CSMD1: variants seen among roughly 807,000 people sequenced by gnomAD.
The protein encoded by CSMD1 is CUB and Sushi multiple domains 1, also known as CUB and sushi domain-containing protein 1.
In CSMD1, 213 loss-of-function variants were observed where a neutral mutation model predicts 417.5. That is an observed-to-expected ratio of 0.51 (90% CI 0.46 to 0.57). The LOEUF is 0.57. CSMD1 is among the 20% of genes least tolerant of loss of function. The pLI is 0.00. For missense variants in CSMD1, 6,923 were observed against 4,529.7 expected (o/e 1.53, Z -15.17); for synonymous variants, 2,862 against 1,736.8 (o/e 1.65, Z -16.11).
At chr8:4,080,910 G>C (rs776674259) in intron 3 of CSMD1, among the ~76,000 whole-genome samples, 8 of 152,116 alleles carry the variant, frequency 5.3e-5, no homozygotes, top group Non-Finnish European at 1.0e-4. Context: ...GTATTAAGAG[G>C]CAGGGCCTTT....
chr8:3,886,951 G>T (rs995408564), intron 5 of CSMD1, among the ~76,000 whole-genome samples: 1 of 152,162 alleles, frequency 6.6e-6, no homozygotes, highest in Non-Finnish European at 1.5e-5. Context: ...TCAGTGAAAT[G>T]CATGTCTTCA....
chr8:3,174,510 C>T (rs945657720), intron 37 of CSMD1, among the ~76,000 whole-genome samples: 1 of 152,060 alleles, frequency 6.6e-6, no homozygotes, highest in Admixed American at 6.5e-5. Context: ...AAACAATAAA[C>T]AAACTATAAA....
chr8:3,032,243 A>C (rs1810389134), intron 50 of CSMD1, among the ~76,000 whole-genome samples: 2 of 151,992 alleles, frequency 1.3e-5, no homozygotes, highest in African/African-American at 2.4e-5. Flanking sequence ...TTTAAGAATG[A>C]TAGGTAGAGA....
At chr8:4,232,822 C>T (rs1801823544) in intron 3 of CSMD1, among the ~76,000 whole-genome samples, 1 of 152,084 alleles carries the variant, frequency 6.6e-6, no homozygotes, top group Admixed American at 6.5e-5. Context: ...ATCTAAAAGA[C>T]AAACATTACT....
chr8:3,112,529 C>A (rs1024365277), intron 42 of CSMD1, among the ~76,000 whole-genome samples: 3 of 152,160 alleles, frequency 2.0e-5, no homozygotes, highest in Non-Finnish European at 4.4e-5. Flanking sequence ...TAACATTGAG[C>A]AAGTCAGTGA....
At chr8:3,423,982 A>T (rs1813662000) in intron 12 of CSMD1, among the ~76,000 whole-genome samples, 1 of 152,180 alleles carries the variant, frequency 6.6e-6, no homozygotes, top group South Asian at 2.1e-4. Context: ...TCACAGTACC[A>T]GTTTTCTTTG....
chr8:3,764,930 G>A (rs1255368347), intron 5 of CSMD1, among the ~76,000 whole-genome samples: 1 of 151,768 alleles, frequency 6.6e-6, no homozygotes, highest in African/African-American at 2.4e-5. Context: ...ATTTTTAGTA[G>A]AGACAGGGTT....
At chr8:3,146,906 C>A (rs1022301236) in intron 40 of CSMD1, among the ~76,000 whole-genome samples, 37 of 152,186 alleles carry the variant, frequency 2.4e-4, no homozygotes, top group Non-Finnish European at 1.0e-4. Flanking sequence ...CTGGATTAGA[C>A]AATCGATCAG....
chr8:4,805,196 T>C (rs1798519479), intron 1 of CSMD1, among the ~76,000 whole-genome samples: 1 of 152,236 alleles, frequency 6.6e-6, no homozygotes, highest in South Asian at 2.1e-4. Context: ...AGAGATAATA[T>C]CTGCGATAAT....
chr8:3,025,071 T>C (rs1398466575), intron 51 of CSMD1, among the ~76,000 whole-genome samples: 18 of 150,814 alleles, frequency 1.2e-4, no homozygotes, highest in African/African-American at 3.0e-4. Flanking sequence ...ATTCTAAAAC[T>C]GTGTATTGTG....
intron 2 of CSMD1, among the ~76,000 whole-genome samples, chr8:4,464,053 G>C (rs1302125005): frequency 6.6e-6 from 1 of 151,944 alleles, no homozygotes; most frequent in African/African-American, 2.4e-5. Context: ...AAAAAAAAAG[G>C]AATATGGTAA....
At chr8:4,922,473 C>G (rs1024768414) in intron 1 of CSMD1, among the ~76,000 whole-genome samples, 5 of 152,192 alleles carry the variant, frequency 3.3e-5, no homozygotes, top group Admixed American at 6.5e-5. Flanking sequence ...GATATTATCA[C>G]TTTTATGTAT....
intron 30 of CSMD1, among the ~76,000 whole-genome samples, chr8:3,213,893 T>C (rs1025420602): frequency 2.6e-5 from 4 of 151,776 alleles, no homozygotes; most frequent in African/African-American, 9.7e-5. Context: ...AGTCTTGCTC[T>C]GTCACCCAGG....
intron 3 of CSMD1, among the ~76,000 whole-genome samples, chr8:4,221,877 C>G (rs367742235): frequency 2.8e-4 from 42 of 152,236 alleles, no homozygotes; most frequent in African/African-American, 9.6e-4. Flanking sequence ...TTAGAGAATT[C>G]TTAGCAGAGG....
intron 26 of CSMD1, among the ~76,000 whole-genome samples, chr8:3,271,632 G>A (rs1415379362): frequency 6.6e-6 from 1 of 152,198 alleles, no homozygotes; most frequent in Non-Finnish European, 1.5e-5. Flanking sequence ...CAACTGGTGT[G>A]AGATGGTATC....
chr8:3,021,782 C>T (rs1486333300), intron 51 of CSMD1, among the ~76,000 whole-genome samples: 1 of 147,764 alleles, frequency 6.8e-6, no homozygotes, highest in African/African-American at 2.5e-5. Flanking sequence ...CACCTGCAAT[C>T]CCACATCCAT....
At chr8:3,247,370 C>T (rs980061210) in intron 26 of CSMD1, among the ~76,000 whole-genome samples, 2 of 152,142 alleles carry the variant, frequency 1.3e-5, no homozygotes, top group Non-Finnish European at 2.9e-5. Flanking sequence ...TCCTGAACCG[C>T]TAGCAGTGAA....
At chr8:4,860,908 G>C (rs1802092981) in intron 1 of CSMD1, among the ~76,000 whole-genome samples, 2 of 151,986 alleles carry the variant, frequency 1.3e-5, no homozygotes, top group African/African-American at 4.8e-5. Context: ...ACTCTACATA[G>C]TGAATCTCTG....
chr8:4,734,135 A>AT (rs1180274204), intron 1 of CSMD1, among the ~76,000 whole-genome samples: 4 of 152,158 alleles, frequency 2.6e-5, no homozygotes, highest in African/African-American at 9.6e-5. Flanking sequence ...TTTCATTTAC[A>AT]TTTACAAGCT....
Sources: allele counts gnomAD v4.1 joint callset (sites outside exome capture counted in the v4.1 genomes callset), GRCh38; gene constraint gnomAD v4.1.1; transcripts MANE v1.5; gene names NCBI Gene and HGNC (gene_info 2026-07-23, HGNC 2026-07-21).